Variants in MTM1 observed in about 807,000 individuals in gnomAD.
MTM1 encodes myotubularin 1.
Under a neutral mutation model 52.1 loss-of-function variants are expected in MTM1, and 9 were observed. That is an observed-to-expected ratio of 0.17 (90% CI 0.10 to 0.30). The LOEUF (loss-of-function observed/expected upper bound fraction) is 0.30, where lower values mean the gene tolerates loss of function less well. Ranked by LOEUF, MTM1 falls within the 10% of genes least tolerant of loss-of-function variation. The pLI, the probability that MTM1 is intolerant of heterozygous loss-of-function variation, is 1.00. For synonymous variants in MTM1, 136 were observed against 163.8 expected (o/e 0.83, Z 1.29); for missense variants, 277 against 470.7 (o/e 0.59, Z 3.81).
intron 1 of MTM1, among the ~76,000 whole-genome samples, chrX:150,570,069 ATTGGTCTCT>A (rs2038340535): frequency 1.8e-5 from 2 of 111,671 alleles, no homozygotes; most frequent in Admixed American, 1.9e-4. Flanking sequence ...TTAGTAAATG[ATTGGTCTCT>A]TTAACTTAAA....
chrX:150,598,952 A>G (rs2039024219), intron 4 of MTM1, among the ~76,000 whole-genome samples: 2 of 112,417 alleles, frequency 1.8e-5, no homozygotes, highest in African/African-American at 6.5e-5. Flanking sequence ...TGGAGAAGTT[A>G]GGTGTAGAAC....
At chrX:150,585,485 ATTC>A (rs2038770573) in intron 1 of MTM1, among the ~76,000 whole-genome samples, 1 of 112,575 alleles carries the variant, frequency 8.9e-6, no homozygotes, top group African/African-American at 3.2e-5. Flanking sequence ...ATACGTTTCT[ATTC>A]TTCAACAATT....
intron 4 of MTM1, among the ~76,000 whole-genome samples, chrX:150,600,018 G>A (rs2039042386): frequency 8.9e-6 from 1 of 111,820 alleles, no homozygotes; most frequent in Non-Finnish European, 1.9e-5. Flanking sequence ...ATGGAACCAA[G>A]GCCATATGAC....
intron 14 of MTM1, among the ~76,000 whole-genome samples, chrX:150,665,910 A>G (rs1352568899): frequency 2.7e-5 from 3 of 112,207 alleles, no homozygotes; most frequent in African/African-American, 9.7e-5. Context: ...ATCATACGGT[A>G]CTCTAGGAAC....
intron 4 of MTM1, among the ~76,000 whole-genome samples, chrX:150,605,608 G>C (rs2039142640): frequency 1.8e-5 from 2 of 112,519 alleles, no homozygotes; most frequent in African/African-American, 6.4e-5. Context: ...GTTGGTAAAA[G>C]TGCTTCTGTG....
chrX:150,621,575 C>T (rs1257837712), intron 6 of MTM1, among the ~76,000 whole-genome samples: 1 of 110,427 alleles, frequency 9.1e-6, no homozygotes, highest in African/African-American at 3.3e-5. Context: ...ACAGGGCTGC[C>T]CTATGCTCTT....
intron 5 of MTM1, among the ~76,000 whole-genome samples, chrX:150,616,792 G>T (rs1445295464): frequency 8.9e-6 from 1 of 112,367 alleles, no homozygotes; most frequent in East Asian, 2.8e-4. Context: ...GAAGTCAGCA[G>T]TCATGTGTGT....
intron 5 of MTM1, among the ~76,000 whole-genome samples, chrX:150,617,294 G>A (rs2039402007): frequency 8.9e-6 from 1 of 112,060 alleles, no homozygotes; most frequent in Non-Finnish European, 1.9e-5. Context: ...TCTGACTTGC[G>A]GCTGTTAGGA....
At chrX:150,577,771 T>C (rs1557411705) in intron 1 of MTM1, among the ~76,000 whole-genome samples, 2 of 112,767 alleles carry the variant, frequency 1.8e-5, no homozygotes. Context: ...GGAGTTTTGA[T>C]TTTGATGAAG....
chrX:150,640,320 T>C (rs1557413818), intron 7 of MTM1, among the ~76,000 whole-genome samples: 2 of 112,211 alleles, frequency 1.8e-5, no homozygotes, highest in Non-Finnish European at 3.8e-5. Flanking sequence ...GAAGGTATTT[T>C]GTTCTAGACT....
chrX:150,657,100 T>G (rs1246811457), intron 10 of MTM1, among the ~76,000 whole-genome samples: 6 of 110,345 alleles, frequency 5.4e-5, no homozygotes, highest in African/African-American at 2.0e-4. Flanking sequence ...AAATACCATT[T>G]GACCCAGCCA....
chrX:150,671,726 T>C lies in MTM1; in HGVS notation c.*131T>C. On this transcript the variant is annotated 3_prime_UTR_variant, in exon 15 of 15. Coordinates refer to ENST00000370396, the MANE Select transcript of MTM1 (RefSeq NM_000252.3). ...TTGAACTAACATAATCTTAAACTCT[T>C]GAATATGTGCCTTCTAGAATACATA... is the stretch of plus-strand genomic sequence containing the variant. 1 of 694,007 alleles carries C rather than the reference T, an allele frequency of 1.4e-6. No individual in the cohort carries two copies. Among genetic ancestry groups the C allele is most frequent in the Non-Finnish European group, 2.2e-6 (1 of 459,870 alleles). The allele number at this position is 694,007 out of a possible 1,213,427, so 57.2% of individuals were successfully genotyped here. A position where few individuals can be genotyped will look rare whatever the true frequency, so the allele number is the denominator to read the frequency against.
chrX:150,614,778 G>A (rs1288367917), intron 5 of MTM1, 79 bp downstream of exon 5: 22 of 439,867 alleles, frequency 5.0e-5, no homozygotes, highest in Admixed American at 4.0e-4. Context: ...ATGTGGATTT[G>A]AAAAAAAAAA....
intron 4 of MTM1, among the ~76,000 whole-genome samples, chrX:150,613,225 AT>A (rs2039322563): frequency 9.0e-6 from 1 of 110,938 alleles, no homozygotes; most frequent in African/African-American, 3.3e-5. Flanking sequence ...ACCCTTAAAA[AT>A]TTTTTTTCTT....
chrX:150,623,726 G>A (rs1380117060), intron 6 of MTM1, among the ~76,000 whole-genome samples: 2 of 110,559 alleles, frequency 1.8e-5, no homozygotes, highest in Non-Finnish European at 3.8e-5. Context: ...GAGACAGGAG[G>A]GGAAGAAAAG....
rs914914009 is a variant in MTM1 at position 150,626,475 on chromosome X, G to A, written c.444+7336G>A. Among the ~76,000 whole-genome samples, 15 of 110,067 alleles carry A rather than the reference G, an allele frequency of 1.4e-4. 1 individual carries two copies. The highest frequency in any genetic ancestry group is 1.1e-3 in the Admixed American group (11 of 10,308). ...ACTACAGGTGCTCACCACCACGCCC[G>A]ACTAATTTTTGTATTTTTAGTAGAG... On this transcript the variant is annotated intron_variant, in intron 6 of 14. Transcript: ENST00000370396.
chrX:150,660,424 T>G lies in MTM1; in HGVS notation c.1407T>G (p.His469Gln). ...NEQFLIIILD[H>Q]LYSCRFGTFL... ...AATTTTTGATTATAATTTTGGATCA[T>G]CTGTATAGTTGCCGATTTGGTACTT... Residue 469 changes from histidine (H) to glutamine (Q), a missense_variant, in exon 13 of 15, where the codon CAT (histidine) becomes CAG (glutamine). By Grantham distance (24) the His-to-Gln change is conservative (BLOSUM62 0). Coordinates refer to ENST00000370396, the MANE Select transcript of MTM1 (RefSeq NM_000252.3). The G allele has an allele frequency of 3.3e-6, 4 of 1,205,651 alleles. No homozygotes were observed. The highest frequency in any genetic ancestry group is 4.5e-6 in the Non-Finnish European group (4 of 889,772).
At chrX:150,590,931 T>C (rs1557412454) in intron 1 of MTM1, 1 of 428,748 alleles carries the variant, frequency 2.3e-6, no homozygotes, top group Non-Finnish European at 2.9e-6. Context: ...AGTCTTGTTT[T>C]GTCAATAGAA....
intron 5 of MTM1, among the ~76,000 whole-genome samples, chrX:150,616,591 T>C (rs2039390055): frequency 9.0e-6 from 1 of 111,576 alleles, no homozygotes; most frequent in South Asian, 3.7e-4. Flanking sequence ...GAGGATGTTG[T>C]CCAGCAGCAG....
Sources: gnomAD v4.1 joint callset for allele counts (sites outside exome capture counted in the v4.1 genomes callset) on GRCh38, gnomAD v4.1.1 for gene constraint, MANE v1.5 for transcripts, NCBI Gene and HGNC (gene_info 2026-07-23, HGNC 2026-07-21) for gene names.